MAP4K3: variants seen among roughly 807,000 people sequenced by gnomAD.
The protein encoded by MAP4K3 is MAPK/ERK kinase kinase kinase 3.
A neutral mutation model predicts 143.5 loss-of-function variants in MAP4K3; 94 were observed. That is an observed-to-expected ratio of 0.65 (90% CI 0.55 to 0.78). The LOEUF (loss-of-function observed/expected upper bound fraction) is 0.78, where lower values mean the gene tolerates loss of function less well. Ranked by LOEUF, MAP4K3 falls within the 30% of genes least tolerant of loss-of-function variation. The pLI is 0.00. For synonymous variants in MAP4K3, 416 were observed against 347.2 expected (o/e 1.20, Z -2.20); for missense variants, 1,077 against 1,068.1 (o/e 1.01, Z -0.12).
At chr2:39,362,615 G>A (rs900522949) in intron 2 of MAP4K3, among the ~76,000 whole-genome samples, 4 of 152,100 alleles carry the variant, frequency 2.6e-5, no homozygotes, top group Admixed American at 2.0e-4. Flanking sequence ...TAAAATGTTC[G>A]TACTACCCAA....
At chr2:39,330,717 T>A (rs907310600) in intron 8 of MAP4K3, among the ~76,000 whole-genome samples, 2 of 152,100 alleles carry the variant, frequency 1.3e-5, no homozygotes, top group Non-Finnish European at 2.9e-5. Context: ...CTTTATGGTA[T>A]AGAAAATTAT....
intron 23 of MAP4K3, among the ~76,000 whole-genome samples, chr2:39,279,487 T>C (rs1203530332): frequency 2.0e-5 from 3 of 152,218 alleles, no homozygotes; most frequent in Non-Finnish European, 4.4e-5. Context: ...GTATCTTACA[T>C]AGACAGCTAT....
intron 24 of MAP4K3, among the ~76,000 whole-genome samples, chr2:39,276,910 C>G (rs1681279008): frequency 6.6e-6 from 1 of 152,190 alleles, no homozygotes; most frequent in South Asian, 2.1e-4. Context: ...ATAAAAATGT[C>G]CTAAAACTGA....
intron 1 of MAP4K3, among the ~76,000 whole-genome samples, chr2:39,428,647 A>C (rs1159970139): frequency 6.6e-6 from 1 of 151,846 alleles, no homozygotes; most frequent in Admixed American, 6.6e-5. Flanking sequence ...TCGCACTCCA[A>C]CCTGGGCAAC....
intron 1 of MAP4K3, among the ~76,000 whole-genome samples, chr2:39,394,435 T>A (rs1183193754): frequency 1.3e-5 from 2 of 152,224 alleles, no homozygotes; most frequent in Non-Finnish European, 2.9e-5. Flanking sequence ...TTTTCTAGAT[T>A]GTGGTTCTCC....
chr2:39,431,261 C>G (rs1665276091), intron 1 of MAP4K3, among the ~76,000 whole-genome samples: 1 of 152,076 alleles, frequency 6.6e-6, no homozygotes, highest in Non-Finnish European at 1.5e-5. Flanking sequence ...GTAGAGTATT[C>G]CAGGTGGAGA....
At chr2:39,391,358 CAA>C (rs755777714) in intron 1 of MAP4K3, among the ~76,000 whole-genome samples, 2 of 45,432 alleles carry the variant, frequency 4.4e-5, no homozygotes, top group African/African-American at 8.1e-5. Context: ...GACTCCATCT[CAA>C]AAAAAAAAAA....
chr2:39,341,419 G>A (rs1665136486), intron 4 of MAP4K3, among the ~76,000 whole-genome samples: 2 of 152,068 alleles, frequency 1.3e-5, no homozygotes, highest in African/African-American at 4.8e-5. Context: ...AGCACTTTGG[G>A]AAGCTGAGGT....
intron 1 of MAP4K3, among the ~76,000 whole-genome samples, chr2:39,400,620 T>C (rs1279528730): frequency 6.6e-6 from 1 of 152,050 alleles, no homozygotes; most frequent in Non-Finnish European, 1.5e-5. Flanking sequence ...TTGGTGTTCA[T>C]ATCTAATCAT....
intron 1 of MAP4K3, among the ~76,000 whole-genome samples, chr2:39,420,992 CCT>C (rs1039063704): frequency 6.6e-6 from 1 of 152,128 alleles, no homozygotes; most frequent in Non-Finnish European, 1.5e-5. Context: ...CCCAGTTTCC[CCT>C]GTCATTAATC....
chr2:39,276,550 A>G (rs7600014), intron 24 of MAP4K3, among the ~76,000 whole-genome samples: 134,330 of 152,232 alleles, frequency 0.88, 59,482 homozygotes, highest in Non-Finnish European at 0.92. Flanking sequence ...CTGAATAGCT[A>G]TGGAGTCTTT....
chr2:39,263,930 A>G (rs1680670504), intron 28 of MAP4K3, among the ~76,000 whole-genome samples: 1 of 152,252 alleles, frequency 6.6e-6, no homozygotes. Flanking sequence ...ATATTAGCAT[A>G]AATGGTTTAC....
At chr2:39,348,003 A>G (rs1223841395) in intron 3 of MAP4K3, among the ~76,000 whole-genome samples, 1 of 152,056 alleles carries the variant, frequency 6.6e-6, no homozygotes, top group Admixed American at 6.6e-5. Context: ...ATACTCATTG[A>G]TAATGGACTA....
chr2:39,314,222 G>A (rs919646617), intron 13 of MAP4K3, among the ~76,000 whole-genome samples: 2 of 151,396 alleles, frequency 1.3e-5, no homozygotes, highest in Non-Finnish European at 2.9e-5. Context: ...TAGAGACGGA[G>A]TTTCGCCATG....
chr2:39,349,537 A>G (rs981435946), intron 3 of MAP4K3, among the ~76,000 whole-genome samples: 2 of 152,204 alleles, frequency 1.3e-5, no homozygotes, highest in Non-Finnish European at 2.9e-5. Flanking sequence ...TTTTAAAAAT[A>G]TCACATAGTC....
At chr2:39,378,194 G>T in intron 1 of MAP4K3, 71 bp from the exon 2 acceptor site, 1 of 775,836 alleles carries the variant, frequency 1.3e-6, no homozygotes, top group Non-Finnish European at 2.1e-6. Flanking sequence ...TTTCACTTTA[G>T]CTTACTGTTT....
At chr2:39,328,540 C>G (rs1226283846) in intron 8 of MAP4K3, among the ~76,000 whole-genome samples, 1 of 152,102 alleles carries the variant, frequency 6.6e-6, no homozygotes, top group East Asian at 1.9e-4. Context: ...GAAATCAGAT[C>G]AGGGGTTACC....
chr2:39,342,715 G>A (rs557343621), intron 4 of MAP4K3, among the ~76,000 whole-genome samples: 103 of 152,028 alleles, frequency 6.8e-4, no homozygotes, highest in African/African-American at 2.4e-3. Flanking sequence ...TACTTAAGTG[G>A]CCCCACACTA....
intron 20 of MAP4K3, among the ~76,000 whole-genome samples, chr2:39,287,296 C>A (rs532691970): frequency 2.6e-4 from 2 of 7,728 alleles, no homozygotes; most frequent in South Asian, 0.024. Flanking sequence ...ACTTTAGTTG[C>A]TCTTTTTTTT....
Sources: gnomAD v4.1 joint callset for allele counts (sites outside exome capture counted in the v4.1 genomes callset) on GRCh38, gnomAD v4.1.1 for gene constraint, MANE v1.5 for transcripts, NCBI Gene and HGNC (gene_info 2026-07-23, HGNC 2026-07-21) for gene names.